UBE2E2: variants seen among roughly 807,000 people sequenced by gnomAD.
UBE2E2 encodes the protein ubiquitin-conjugating enzyme E2 E2.
UBE2E2 carries 6 observed loss-of-function variants against 24.7 expected under a neutral mutation model. The observed-to-expected ratio is 0.24, with a 90% CI of 0.13 to 0.48. UBE2E2 has a LOEUF of 0.48. UBE2E2 is among the 20% of genes least tolerant of loss of function. The pLI is 0.99. For missense variants in UBE2E2, 169 were observed against 245.0 expected, an observed-to-expected ratio of 0.69 and a Z score of 2.07; for synonymous variants, 104 against 83.6, an observed-to-expected ratio of 1.24 and a Z score of -1.33.
intron 3 of UBE2E2, among the ~76,000 whole-genome samples, chr3:23,348,939 C>A (rs1010332020): frequency 1.3e-5 from 2 of 152,144 alleles, no homozygotes; most frequent in African/African-American, 4.8e-5. Context: ...GTTCTGCACA[C>A]TCCAGGGTAA....
chr3:23,416,655 G>C (rs1273671366), intron 3 of UBE2E2, among the ~76,000 whole-genome samples: 1 of 152,106 alleles, frequency 6.6e-6, no homozygotes, highest in Non-Finnish European at 1.5e-5. Context: ...TTCCAACTTG[G>C]TTCCATTCTC....
At chr3:23,398,416 G>A (rs1194069580) in intron 3 of UBE2E2, among the ~76,000 whole-genome samples, 1 of 151,738 alleles carries the variant, frequency 6.6e-6, no homozygotes. Flanking sequence ...CATCATCTTG[G>A]TCTTTTTGCT....
chr3:23,224,180 T>C (rs1269839984), intron 3 of UBE2E2, among the ~76,000 whole-genome samples: 5 of 135,234 alleles, frequency 3.7e-5, no homozygotes, highest in Non-Finnish European at 8.0e-5. Flanking sequence ...TTTTTTTTTT[T>C]ACTATTTCTG....
chr3:23,307,729 T>C (rs1408449406), intron 3 of UBE2E2, among the ~76,000 whole-genome samples: 3 of 152,204 alleles, frequency 2.0e-5, no homozygotes, highest in African/African-American at 7.2e-5. Flanking sequence ...TTATGAATTA[T>C]CACATGTATA....
chr3:23,382,591 C>T (rs758902801), intron 3 of UBE2E2, among the ~76,000 whole-genome samples: 42 of 152,250 alleles, frequency 2.8e-4, no homozygotes, highest in South Asian at 1.2e-3. Flanking sequence ...TTATCTTGAG[C>T]GAAGTAGTAT....
rs1696715909 is a variant in UBE2E2, at chr3:23,589,677, C to G, written c.509-57C>G. 1 of 1,577,250 alleles carries G rather than the reference C, an allele frequency of 6.3e-7. No individual in the cohort carries two copies. Among genetic ancestry groups the G allele is most frequent in the Non-Finnish European group, 8.7e-7 (1 of 1,149,224 alleles). ...TCCCACTCCTTGCCAGCTTTCTGAA[C>G]ACTTCTTCCCCCACAGTGCTGGTAT... On this transcript the variant is annotated intron_variant, in intron 5 of 5. Transcript: ENST00000396703. This position sits in a 1 kb window ranked among gnomAD's most constrained non-coding sequence, Gnocchi z 4.1.
At chr3:23,568,669 G>GTATACATATATA (rs1559424900) in intron 5 of UBE2E2, among the ~76,000 whole-genome samples, 35 of 42,042 alleles carry the variant, frequency 8.3e-4, no homozygotes, top group South Asian at 3.9e-3. Context: ...ACATATATAC[G>GTATACATATATA]CACATATATG....
chr3:23,548,759 G>A (rs930327442), intron 5 of UBE2E2, among the ~76,000 whole-genome samples: 2 of 152,000 alleles, frequency 1.3e-5, no homozygotes, highest in African/African-American at 4.8e-5. Flanking sequence ...CAAACAGAAG[G>A]ACTTCCAAGC....
intron 3 of UBE2E2, among the ~76,000 whole-genome samples, chr3:23,318,114 T>C (rs1431650359): frequency 2.6e-5 from 4 of 152,130 alleles, no homozygotes; most frequent in Non-Finnish European, 5.9e-5. Flanking sequence ...CTAGTGTGTT[T>C]AATGGTTTTT....
At chr3:23,421,013 G>A (rs1697783459) in intron 3 of UBE2E2, among the ~76,000 whole-genome samples, 1 of 152,188 alleles carries the variant, frequency 6.6e-6, no homozygotes, top group Non-Finnish European at 1.5e-5. Context: ...GTTATAGGAG[G>A]GAAGATTTGA....
At chr3:23,434,073 T>C (rs1698128949) in intron 3 of UBE2E2, among the ~76,000 whole-genome samples, 1 of 152,118 alleles carries the variant, frequency 6.6e-6, no homozygotes, top group African/African-American at 2.4e-5. Context: ...TAATAGGTTG[T>C]GCAGAATACT....
At position 23,292,728 on chromosome 3, in the gene UBE2E2, T is replaced by C. The variant is rs543194721; in HGVS notation, c.227+75416T>C. 5.3e-4 allele frequency among the ~76,000 whole-genome samples: 80 copies of C among 152,318 alleles called. 1 individual carries two copies. In the South Asian group the frequency reaches 0.01, roughly 19 times the overall value. On this transcript the variant is annotated intron_variant, in intron 3 of 5. Transcript: ENST00000396703. ...TTAATGCCTGTGTGGCCATTACATA[T>C]CTTTTACAAGGTTATGTAACCTGTT...
intron 4 of UBE2E2, among the ~76,000 whole-genome samples, chr3:23,525,981 TC>T (rs1694987777): frequency 6.6e-6 from 1 of 152,220 alleles, no homozygotes; most frequent in Non-Finnish European, 1.5e-5. Context: ...CGCAAACAAT[TC>T]CTTATCAGTT....
intron 3 of UBE2E2, among the ~76,000 whole-genome samples, chr3:23,355,264 GA>G (rs1241063765): frequency 6.6e-6 from 1 of 151,618 alleles, no homozygotes; most frequent in Admixed American, 6.6e-5. Context: ...AGCATTAGGA[GA>G]TATACCTAAT....
At chr3:23,385,168 A>G (rs931145457) in intron 3 of UBE2E2, among the ~76,000 whole-genome samples, 11 of 152,162 alleles carry the variant, frequency 7.2e-5, no homozygotes, top group Non-Finnish European at 1.5e-5. Flanking sequence ...TGATGTTTGT[A>G]TTACATTGTC....
chr3:23,224,430 G>C (rs903738948), intron 3 of UBE2E2, among the ~76,000 whole-genome samples: 1 of 151,654 alleles, frequency 6.6e-6, no homozygotes, highest in East Asian at 1.9e-4. Context: ...TTGTAAATAG[G>C]ATTGCTTTCT....
At chr3:23,298,113 C>G (rs1347466579) in intron 3 of UBE2E2, among the ~76,000 whole-genome samples, 3 of 152,206 alleles carry the variant, frequency 2.0e-5, no homozygotes, top group South Asian at 4.1e-4. Context: ...TATAAGAATG[C>G]TTGTGATTTT....
At chr3:23,552,214 C>G (rs1389891838) in intron 5 of UBE2E2, among the ~76,000 whole-genome samples, 1 of 152,116 alleles carries the variant, frequency 6.6e-6, no homozygotes, top group African/African-American at 2.4e-5. Context: ...AGCAGCCAGG[C>G]TTGGTGGCAC....
At chr3:23,389,197 T>C (rs1182738814) in intron 3 of UBE2E2, among the ~76,000 whole-genome samples, 3 of 152,108 alleles carry the variant, frequency 2.0e-5, no homozygotes, top group Non-Finnish European at 4.4e-5. Flanking sequence ...GAGTATCACT[T>C]ACTAGGGAGC....
Sources: allele counts gnomAD v4.1 joint callset (sites outside exome capture counted in the v4.1 genomes callset), GRCh38; gene constraint gnomAD v4.1.1; non-coding constraint Gnocchi (gnomAD v3.1); transcripts MANE v1.5; gene names NCBI Gene and HGNC (gene_info 2026-07-23, HGNC 2026-07-21).